The following APCDD1 variants were observed in gnomAD, a reference collection of about 807,000 sequenced individuals.
APCDD1 encodes the protein APC down-regulated 1.
A neutral mutation model predicts 38.1 loss-of-function variants in APCDD1; 15 were observed. The ratio of observed to expected loss-of-function variants is 0.39; its 90% CI spans 0.26 to 0.61. The LOEUF (loss-of-function observed/expected upper bound fraction) is 0.61, where lower values mean the gene tolerates loss of function less well. Ranked by LOEUF, APCDD1 falls within the 20% of genes least tolerant of loss-of-function variation. The probability of loss-of-function intolerance (pLI) is 0.49; values close to 1 mark genes in which losing one functional copy is unlikely to be tolerated. For synonymous variants in APCDD1, 261 were observed against 279.7 expected (o/e 0.93, Z 0.67); for missense variants, 647 against 696.2 (o/e 0.93, Z 0.79).
chr18:10,466,463 GC>G (rs1444581016), intron 1 of APCDD1, among the ~76,000 whole-genome samples: 1 of 152,170 alleles, frequency 6.6e-6, no homozygotes, highest in Non-Finnish European at 1.5e-5. Context: ...TTCCCATCTG[GC>G]CCAGTGCCAC....
chr18:10,454,677 C>T lies in APCDD1; in HGVS notation c.-305C>T. ...GCGGTGGCGGTGGCGGCCACTGCAG[C>T]TCAGAGCGGCGCACGCGGCGGCCGG... On this transcript the variant is annotated 5_prime_UTR_variant, in exon 1 of 5. Coordinates refer to ENST00000355285, the MANE Select transcript of APCDD1 (RefSeq NM_153000.5). 32 of 992,280 alleles carry T rather than the reference C, an allele frequency of 3.2e-5. No homozygotes were observed. Among genetic ancestry groups the T allele is most frequent in the Non-Finnish European group, 3.7e-5 (31 of 835,286 alleles). 61.5% of individuals were successfully genotyped at this position (992,280 alleles called of 1,614,324 possible).
At position 10,471,990 on chromosome 18, in the gene APCDD1, A is replaced by T; in HGVS notation, c.703A>T (p.Ile235Phe). ...GGTCGAGGAGCTCTTCCTTGGTGAC[A>T]TTCACACTGATGCCACCCAGAGGAT... The part of the protein sequence containing the change: ...HLVEELFLGD[I>F]HTDATQRMFY... Residue 235 changes from isoleucine (I) to phenylalanine (F), a missense_variant, in exon 3 of 5, where the codon ATT becomes TTT. Ile to Phe is a conservative substitution (Grantham distance 21). Transcript: ENST00000355285. This position sits in a 1 kb window ranked among gnomAD's most constrained non-coding sequence, Gnocchi z 5.5. 2 of 1,613,992 alleles carry T rather than the reference A, an allele frequency of 1.2e-6. No individual in the cohort carries two copies. The highest frequency in any genetic ancestry group is 1.7e-6 in the Non-Finnish European group (2 of 1,180,024).
In APCDD1 at chr18:10,471,425, C is replaced by A; in HGVS notation, c.243-105C>A. On this transcript the variant is annotated intron_variant, in intron 2 of 4. Coordinates refer to ENST00000355285, the MANE Select transcript of APCDD1 (RefSeq NM_153000.5). This position sits in a 1 kb window ranked among gnomAD's most constrained non-coding sequence, Gnocchi z 5.5. Reference sequence around the variant, plus strand: ...GGGCTGACAACAGAGTCTGGCCCATCGTCAGCACTTTATTATTATTTCTGT... The same window carrying A: ...GGGCTGACAACAGAGTCTGGCCCATAGTCAGCACTTTATTATTATTTCTGT... The A allele has an allele frequency of 1.4e-6, 2 of 1,436,168 alleles. No individual in the cohort carries two copies. The highest frequency in any genetic ancestry group is 1.9e-6 in the Non-Finnish European group (2 of 1,041,834). The allele number at this position is 1,436,168 out of a possible 1,614,324, so 89.0% of individuals were successfully genotyped here. A position where few individuals can be genotyped will look rare whatever the true frequency, so the allele number is the denominator to read the frequency against.
In APCDD1 at chr18:10,471,666, A is replaced by G. The variant is rs2030855263; in HGVS notation, c.379A>G (p.Lys127Glu). 6.2e-7 allele frequency: 1 copy of G among 1,614,180 alleles called. No individual in the cohort carries two copies. The highest frequency in any genetic ancestry group is 8.5e-7 in the Non-Finnish European group (1 of 1,180,046). The change falls in exon 3 of 5, where the codon AAG becomes GAG. Residue 127 changes from lysine (K) to glutamate (E), a missense_variant. Lys to Glu is a moderately conservative substitution (Grantham distance 56, BLOSUM62 1). Transcript: ENST00000355285. The surrounding 1 kb of genome is among the most constrained non-coding windows in gnomAD (Gnocchi z 5.5). Reference sequence around the variant, plus strand: ...CACTTATACTCTCATCATCCGGGGCAAGATCCGCCTCCGCCAGGCCTCCTG... The same window carrying G: ...CACTTATACTCTCATCATCCGGGGCGAGATCCGCCTCCGCCAGGCCTCCTG... ...NPTYTLIIRG[K>E]IRLRQASWII...
At chr18:10,479,374 T>C (rs1287284111) in intron 3 of APCDD1, among the ~76,000 whole-genome samples, 3 of 152,250 alleles carry the variant, frequency 2.0e-5, no homozygotes, top group Non-Finnish European at 4.4e-5. Context: ...GCTTCCTTAG[T>C]TGATCTGTTC....
intron 4 of APCDD1, among the ~76,000 whole-genome samples, chr18:10,486,971 C>G (rs937214110): frequency 6.6e-6 from 1 of 152,214 alleles, no homozygotes; most frequent in Non-Finnish European, 1.5e-5. Flanking sequence ...TGAAGCTCAT[C>G]GTGTTATACA....
At chr18:10,474,801 A>G (rs1304187791) in intron 3 of APCDD1, among the ~76,000 whole-genome samples, 1 of 152,208 alleles carries the variant, frequency 6.6e-6, no homozygotes, top group African/African-American at 2.4e-5. Context: ...CCCTCTGCAG[A>G]CCTGTCTGTG....
rs990135815 is a variant in APCDD1 at position 10,467,789 on chromosome 18, GT to G, written c.59-678del. ...CGTCCCTATTGTAGGAGGGTGCAAGGTTCACACCACGTGGTGAGCAGCCCTG... is the reference window on the plus strand; with the variant it reads ...CGTCCCTATTGTAGGAGGGTGCAAGGTCACACCACGTGGTGAGCAGCCCTG... On this transcript the variant is annotated intron_variant, in intron 1 of 4. Transcript: ENST00000355285. This position sits in a 1 kb window ranked among gnomAD's most constrained non-coding sequence, Gnocchi z 4.8. Among the ~76,000 whole-genome samples the G allele has an allele frequency of 1.3e-5, 2 of 152,154 alleles. No individual in the cohort carries two copies. The highest frequency in any genetic ancestry group is 4.8e-5 in the African/African-American group (2 of 41,442).
At chr18:10,468,796 C>T in intron 2 of APCDD1, 144 bp downstream of exon 2, 1 of 869,348 alleles carries the variant, frequency 1.2e-6, no homozygotes, top group Non-Finnish European at 1.8e-6. Flanking sequence ...CCAAACCACT[C>T]TTTGAAATTA....
chr18:10,463,502 C>T (rs2030623981), intron 1 of APCDD1, among the ~76,000 whole-genome samples: 1 of 152,220 alleles, frequency 6.6e-6, no homozygotes, highest in South Asian at 2.1e-4. Flanking sequence ...CACACCATGA[C>T]TGATTCTTGA....
Position 10,471,699 on chromosome 18 carries a change from C to A in APCDD1, c.412C>A (p.Arg138=), listed in dbSNP as rs373747410. The A allele has an allele frequency of 1.2e-6, 2 of 1,614,030 alleles. No homozygotes were observed. The highest frequency in any genetic ancestry group is 2.2e-5 in the South Asian group (2 of 91,088). The change falls in exon 3 of 5, where the codon CGA becomes AGA. Residue 138 remains arginine (R), a synonymous_variant. Transcript: ENST00000355285. This position sits in a 1 kb window ranked among gnomAD's most constrained non-coding sequence, Gnocchi z 5.5. ...IRLRQASWII[R]GGTEADYQLH... is the part of the protein sequence containing the mutation. ...CCTCCGCCAGGCCTCCTGGATCATC[C>A]GAGGGGGCACGGAAGCCGACTACCA...
At chr18:10,457,370 T>C (rs2030408782) in intron 1 of APCDD1, among the ~76,000 whole-genome samples, 1 of 152,232 alleles carries the variant, frequency 6.6e-6, no homozygotes, top group Admixed American at 6.5e-5. Context: ...GCTGAATATG[T>C]CGTACTCAAC....
intron 1 of APCDD1, among the ~76,000 whole-genome samples, chr18:10,459,138 A>T (rs887707179): frequency 2.6e-5 from 4 of 152,236 alleles, no homozygotes; most frequent in African/African-American, 9.6e-5. Flanking sequence ...CTATGTGCCA[A>T]GTGCCACCAC....
chr18:10,471,391 A>G lies in APCDD1; in HGVS notation c.243-139A>G, dbSNP rs1177385773. On this transcript the variant is annotated intron_variant, in intron 2 of 4. Transcript: ENST00000355285. This position sits in a 1 kb window ranked among gnomAD's most constrained non-coding sequence, Gnocchi z 5.5. ...TGTTGTGAGGAGTCAATGAGTTGGT[A>G]TCTATAAAGGGCTGACAACAGAGTC... The G allele has an allele frequency of 1.8e-6, 2 of 1,096,266 alleles. No homozygotes were observed. Among genetic ancestry groups the G allele is most frequent in the African/African-American group, 1.6e-5 (1 of 63,880 alleles). The allele number at this position is 1,096,266 out of a possible 1,614,324, so 67.9% of individuals were successfully genotyped here.
rs184351627 is a variant in APCDD1, at chr18:10,462,296, T to C, written c.59-6173T>C. On this transcript the variant is annotated intron_variant, in intron 1 of 4. Coordinates refer to ENST00000355285, the MANE Select transcript of APCDD1 (RefSeq NM_153000.5). ...TTGCTAAACACTGGGATGATTGATT[T>C]ATGCAATTTAAAATGTATTAAAGGA... is the stretch of plus-strand genomic sequence containing the variant. Among the ~76,000 whole-genome samples, 770 of 152,342 alleles carry C rather than the reference T, an allele frequency of 5.1e-3. 5 individuals carry two copies. Among genetic ancestry groups the C allele is most frequent in the African/African-American group, 0.018 (740 of 41,576 alleles).
chr18:10,454,833 C>G lies in APCDD1; in HGVS notation c.-149C>G. 9.9e-7 allele frequency: 1 copy of G among 1,007,482 alleles called. No homozygotes were observed. Among genetic ancestry groups the G allele is most frequent in the Non-Finnish European group, 1.2e-6 (1 of 845,594 alleles). 62.4% of individuals were successfully genotyped at this position (1,007,482 alleles called of 1,614,324 possible). ...GCGCGCCCCGCAGCCCCGCGCCTAG[C>G]CCGCCGGGCATGGGGCGCGCGGCAG... On this transcript the variant is annotated 5_prime_UTR_variant, in exon 1 of 5. Coordinates refer to ENST00000355285, the MANE Select transcript of APCDD1 (RefSeq NM_153000.5).
At position 10,469,985 on chromosome 18, in the gene APCDD1, G is replaced by A. The variant is rs2030812558; in HGVS notation, c.242+1333G>A. ...AAGAGAACTGAAAAGTCATTGAAGA[G>A]CTTTCAGCAGGGGCCATGCTTAAAA... On this transcript the variant is annotated intron_variant, in intron 2 of 4. Transcript: ENST00000355285. This position sits in a 1 kb window ranked among gnomAD's most constrained non-coding sequence, Gnocchi z 5.5. Among the ~76,000 whole-genome samples the A allele has an allele frequency of 6.6e-6, 1 of 152,204 alleles. No individual in the cohort carries two copies. The highest frequency in any genetic ancestry group is 1.5e-5 in the Non-Finnish European group (1 of 68,034).
At chr18:10,481,540 T>C (rs914348074) in intron 3 of APCDD1, among the ~76,000 whole-genome samples, 4 of 151,544 alleles carry the variant, frequency 2.6e-5, no homozygotes, top group Admixed American at 2.6e-4. Flanking sequence ...GGAGAGAGAA[T>C]GAGGCGTTAG....
intron 3 of APCDD1, among the ~76,000 whole-genome samples, chr18:10,480,704 A>G (rs986752340): frequency 1.5e-4 from 18 of 117,850 alleles, no homozygotes; most frequent in Non-Finnish European, 3.0e-4. Flanking sequence ...TCTACAAAAA[A>G]TACAAAAAAA....
Sources: gnomAD v4.1 joint callset for allele counts (sites outside exome capture counted in the v4.1 genomes callset) on GRCh38, gnomAD v4.1.1 for gene constraint, Gnocchi (gnomAD v3.1) non-coding constraint, MANE v1.5 for transcripts, NCBI Gene and HGNC (gene_info 2026-07-23, HGNC 2026-07-21) for gene names.